HTR7: variants seen among roughly 807,000 people sequenced by gnomAD.
HTR7 encodes the protein 5-HT-7.
Under a neutral mutation model 34.0 loss-of-function variants are expected in HTR7, and 16 were observed. That is an observed-to-expected ratio of 0.47 (90% confidence interval 0.32 to 0.71). HTR7 has a LOEUF of 0.71. Ranked by LOEUF, HTR7 falls within the 30% of genes least tolerant of loss-of-function variation. The pLI is 0.04. For synonymous variants in HTR7, 265 were observed against 260.2 expected (o/e 1.02, Z -0.18); for missense variants, 504 against 625.5 (o/e 0.81, Z 2.07).
chr10:90,802,010 T>A (rs530009396), intron 1 of HTR7, among the ~76,000 whole-genome samples: 21 of 152,280 alleles, frequency 1.4e-4, no homozygotes, highest in Non-Finnish European at 2.1e-4. Flanking sequence ...TGTTCTCTCA[T>A]AAAGAGCAGT....
intron 1 of HTR7, among the ~76,000 whole-genome samples, chr10:90,825,031 A>C (rs1846047845): frequency 6.6e-6 from 1 of 152,172 alleles, no homozygotes; most frequent in African/African-American, 2.4e-5. Context: ...CTTGGGCAAG[A>C]CTCAGTGTTT....
intron 1 of HTR7, among the ~76,000 whole-genome samples, chr10:90,842,258 C>A (rs1452012423): frequency 6.6e-6 from 1 of 152,190 alleles, no homozygotes; most frequent in Non-Finnish European, 1.5e-5. Context: ...GATGCAGCAA[C>A]AAGGCACCAT....
chr10:90,799,755 C>T (rs1845596562), intron 1 of HTR7, among the ~76,000 whole-genome samples: 1 of 152,124 alleles, frequency 6.6e-6, no homozygotes, highest in South Asian at 2.1e-4. Context: ...ACCCTATGAC[C>T]CAAATCCATT....
intron 1 of HTR7, among the ~76,000 whole-genome samples, chr10:90,836,675 AT>A (rs796292567): frequency 0.017 from 2,376 of 142,744 alleles, 50 homozygotes; most frequent in African/African-American, 0.051. Flanking sequence ...CCACACCAGA[AT>A]TTTTTTTTTT....
intron 1 of HTR7, among the ~76,000 whole-genome samples, chr10:90,840,503 T>TA (rs1281356389): frequency 3.9e-5 from 6 of 152,206 alleles, no homozygotes; most frequent in Non-Finnish European, 8.8e-5. Context: ...ACCCAACACT[T>TA]ACAGCAGCCA....
rs1165144520 is a variant in HTR7 at position 90,804,178 on chromosome 10, G to A, written c.539+52955C>T. On this transcript the variant is annotated intron_variant, in intron 1 of 3. Transcript: ENST00000336152. ...CATAGATGGCTGGGCTTCAGGGAAA[G>A]ATCACCTTCTTCCCGCACCATCCCC... Among the ~76,000 whole-genome samples, 4 of 152,216 alleles carry A rather than the reference G, an allele frequency of 2.6e-5. No homozygotes were observed. The South Asian group carries it at 8.3e-4, about 32-fold the overall frequency.
rs186743631 is a variant in HTR7 at position 90,855,023 on chromosome 10, G to A, written c.539+2110C>T. ...ATATTTTCCTTTTTTCTCATTTTTA[G>A]TTCTCAGTGTTCTTGGAAGAAAATC... On this transcript the variant is annotated intron_variant, in intron 1 of 3. Transcript: ENST00000336152. Among the ~76,000 whole-genome samples the A allele has an allele frequency of 2.2e-3, 336 of 151,958 alleles. 1 individual carries two copies. Among genetic ancestry groups the A allele is most frequent in the African/African-American group, 7.8e-3 (322 of 41,456 alleles).
At chr10:90,808,456 C>A (rs1845738979) in intron 1 of HTR7, among the ~76,000 whole-genome samples, 1 of 152,204 alleles carries the variant, frequency 6.6e-6, no homozygotes. Flanking sequence ...GCAAGTACCC[C>A]AACCTTGTAT....
intron 1 of HTR7, among the ~76,000 whole-genome samples, chr10:90,810,961 G>A (rs563419941): frequency 8.5e-5 from 13 of 152,134 alleles, no homozygotes; most frequent in South Asian, 2.1e-4. Context: ...AGATACTTTC[G>A]ACTTTAGATA....
At position 90,857,127 on chromosome 10, in the gene HTR7, C is replaced by T. The variant is rs775210591; in HGVS notation, c.539+6G>A. ...GGAGCCTGGGACGGGGCGGTCCGGCCCTTACCTGTCAATGCTGATCACGCA... is the reference window on the plus strand; with the variant it reads ...GGAGCCTGGGACGGGGCGGTCCGGCTCTTACCTGTCAATGCTGATCACGCA... On this transcript the variant is annotated splice_donor_region_variant and intron_variant, in intron 1 of 3. Coordinates refer to ENST00000336152, the MANE Select transcript of HTR7 (RefSeq NM_019859.4). The surrounding 1 kb of genome is among the most constrained non-coding windows in gnomAD (Gnocchi z 6.5). The T allele has an allele frequency of 6.4e-7, 1 of 1,570,546 alleles. No homozygotes were observed. The highest frequency in any genetic ancestry group is 8.6e-7 in the Non-Finnish European group (1 of 1,156,266).
chr10:90,743,962 T>C lies in HTR7; in HGVS notation c.1296-272A>G, dbSNP rs772527010. On this transcript the variant is annotated intron_variant, in intron 2 of 3. Transcript: ENST00000336152. ...GTTCTGGTTATGCTGATCAAGAAAA[T>C]GGGGAGAAATGGGTAAATATTTGGG... The C allele has an allele frequency of 2.7e-5, 16 of 597,432 alleles. No individual in the cohort carries two copies. The Middle Eastern group carries it at 1.0e-3, about 39-fold the overall frequency. The allele number at this position is 597,432 out of a possible 1,614,324, so 37.0% of individuals were successfully genotyped here. A position where few individuals can be genotyped will look rare whatever the true frequency, so the allele number is the denominator to read the frequency against.
At chr10:90,755,532 T>G (rs1215158706) in intron 1 of HTR7, among the ~76,000 whole-genome samples, 1 of 152,194 alleles carries the variant, frequency 6.6e-6, no homozygotes, top group Non-Finnish European at 1.5e-5. Context: ...TGGCCTTAAC[T>G]CACTAAATTG....
intron 1 of HTR7, among the ~76,000 whole-genome samples, chr10:90,833,480 A>G (rs1846209420): frequency 6.6e-6 from 1 of 152,216 alleles, no homozygotes; most frequent in South Asian, 2.1e-4. Flanking sequence ...GGGTAATAGA[A>G]CGTACCGCAT....
intron 1 of HTR7, among the ~76,000 whole-genome samples, chr10:90,853,268 T>C (rs1368809227): frequency 6.7e-6 from 1 of 149,514 alleles, no homozygotes; most frequent in Non-Finnish European, 1.5e-5. Flanking sequence ...TAAAAAGTAA[T>C]TTGATTTCTT....
chr10:90,856,194 AC>A, intron 1 of HTR7, among the ~76,000 whole-genome samples: 1 of 152,348 alleles, frequency 6.6e-6, no homozygotes, highest in South Asian at 2.1e-4. Flanking sequence ...GTCTTGAAAC[AC>A]CGGCAAAATT....
intron 2 of HTR7, among the ~76,000 whole-genome samples, chr10:90,748,219 C>G (rs1337295917): frequency 6.6e-6 from 1 of 152,052 alleles, no homozygotes; most frequent in Non-Finnish European, 1.5e-5. Context: ...ACTGCATAAT[C>G]CAACCCCTGG....
intron 1 of HTR7, among the ~76,000 whole-genome samples, chr10:90,760,601 T>G (rs61160086): frequency 0.038 from 5,814 of 152,278 alleles, 199 homozygotes; most frequent in African/African-American, 0.082. Flanking sequence ...CAATATGGGC[T>G]GGACGCACTG....
intron 1 of HTR7, among the ~76,000 whole-genome samples, chr10:90,808,331 A>G (rs968388776): frequency 6.6e-6 from 1 of 151,522 alleles, no homozygotes; most frequent in Non-Finnish European, 1.5e-5. Flanking sequence ...AGGGGCAAGT[A>G]CCCCAACCCC....
At chr10:90,827,839 A>G (rs1035852541) in intron 1 of HTR7, among the ~76,000 whole-genome samples, 4 of 152,184 alleles carry the variant, frequency 2.6e-5, no homozygotes, top group African/African-American at 9.7e-5. Context: ...AAAACCAACA[A>G]AGAACTTAAT....
Sources: gnomAD v4.1 joint callset for allele counts (sites outside exome capture counted in the v4.1 genomes callset) on GRCh38, gnomAD v4.1.1 for gene constraint, Gnocchi (gnomAD v3.1) non-coding constraint, MANE v1.5 for transcripts, NCBI Gene and HGNC (gene_info 2026-07-23, HGNC 2026-07-21) for gene names.